The following VPS50 variants were observed in gnomAD, a reference collection of about 807,000 sequenced individuals.
VPS50 encodes VPS50 subunit of EARP/GARPII complex.
VPS50 carries 70 observed loss-of-function variants against 139.7 expected under a neutral mutation model. That is an observed-to-expected ratio of 0.50 (90% CI 0.41 to 0.61). The LOEUF (loss-of-function observed/expected upper bound fraction) is 0.61, where lower values mean the gene tolerates loss of function less well. Ranked by LOEUF, VPS50 falls within the 20% of genes least tolerant of loss-of-function variation. The pLI, the probability that VPS50 is intolerant of heterozygous loss-of-function variation, is 0.00. For missense variants in VPS50, 921 were observed against 1,133.7 expected (o/e 0.81, Z 2.69); for synonymous variants, 365 against 376.7 (o/e 0.97, Z 0.36).
chr7:93,232,379 A>G lies in VPS50; in HGVS notation c.-89A>G. 8.8e-7 allele frequency: 1 copy of G among 1,132,184 alleles called. No individual in the cohort carries two copies. Among genetic ancestry groups the G allele is most frequent in the Non-Finnish European group, 1.3e-6 (1 of 744,526 alleles). 70.1% of individuals were successfully genotyped at this position (1,132,184 alleles called of 1,614,324 possible). On this transcript the variant is annotated 5_prime_UTR_variant, in exon 1 of 28. An upstream start codon of the reference 5' UTR is lost. Coordinates refer to ENST00000305866, the MANE Select transcript of VPS50 (RefSeq NM_017667.4). ...CGGCTCCTCCACGTGACCACCCACT[A>G]TGGCTTCCTAGTGTCAGGGCCAGCT...
At chr7:93,304,988 A>G (rs905182985) in intron 17 of VPS50, among the ~76,000 whole-genome samples, 6 of 151,952 alleles carry the variant, frequency 3.9e-5, no homozygotes, top group Non-Finnish European at 8.8e-5. Context: ...GTACCTTTCA[A>G]GAATTTTAAG....
chr7:93,352,901 G>T lies in VPS50; in HGVS notation c.2464-739G>T, dbSNP rs73712847. The stretch of plus-strand genomic sequence containing the variant: ...TAGAGTATGATTTTTTAATCATTTG[G>T]TATACAGGTTGAGCATCCCAAATTC... On this transcript the variant is annotated intron_variant, in intron 25 of 27. Transcript: ENST00000305866. Among the ~76,000 whole-genome samples, 1,082 of 152,006 alleles carry T rather than the reference G, an allele frequency of 7.1e-3. 11 individuals are homozygous for T. The highest frequency in any genetic ancestry group is 0.025 in the African/African-American group (1,019 of 41,474).
intron 23 of VPS50, among the ~76,000 whole-genome samples, chr7:93,346,216 C>T (rs1798389013): frequency 6.6e-6 from 1 of 152,170 alleles, no homozygotes; most frequent in Non-Finnish European, 1.5e-5. Context: ...AGTGAACTCC[C>T]ATTCACAATT....
chr7:93,258,128 A>C (rs761818533), intron 6 of VPS50, 31 bp from the exon 7 acceptor site: 4 of 879,114 alleles, frequency 4.6e-6, no homozygotes, highest in South Asian at 4.3e-5. Flanking sequence ...ATAATAAAAA[A>C]CTTTTAACTA....
intron 12 of VPS50, among the ~76,000 whole-genome samples, chr7:93,276,990 G>A (rs1448606061): frequency 6.6e-6 from 1 of 152,170 alleles, no homozygotes; most frequent in Non-Finnish European, 1.5e-5. Context: ...GAAGAACCTA[G>A]AGTGATCAGG....
intron 22 of VPS50, among the ~76,000 whole-genome samples, chr7:93,335,846 G>A (rs1488863919): frequency 6.6e-6 from 1 of 152,104 alleles, no homozygotes; most frequent in Non-Finnish European, 1.5e-5. Context: ...CTACTATCTT[G>A]TGATCATCAA....
intron 19 of VPS50, among the ~76,000 whole-genome samples, chr7:93,310,697 C>T (rs1198267245): frequency 4.6e-5 from 7 of 152,020 alleles, no homozygotes; most frequent in African/African-American, 1.7e-4. Flanking sequence ...TCTCTTATCT[C>T]TGACCCTATT....
At chr7:93,310,206 G>T (rs1462509802) in intron 19 of VPS50, among the ~76,000 whole-genome samples, 2 of 151,850 alleles carry the variant, frequency 1.3e-5, no homozygotes, top group African/African-American at 4.8e-5. Flanking sequence ...TTTTTGGTAG[G>T]GTTACTGGAG....
chr7:93,302,888 G>C (rs1797018546), intron 16 of VPS50, among the ~76,000 whole-genome samples: 1 of 152,014 alleles, frequency 6.6e-6, no homozygotes, highest in South Asian at 2.1e-4. Flanking sequence ...AAAGAGATCA[G>C]TATGGTGTAA....
intron 14 of VPS50, among the ~76,000 whole-genome samples, chr7:93,295,720 TTTGA>T (rs1017904911): frequency 1.3e-5 from 2 of 151,992 alleles, no homozygotes; most frequent in South Asian, 2.1e-4. Context: ...CTTTCTTTCT[TTTGA>T]TTGATTGATT....
intron 20 of VPS50, among the ~76,000 whole-genome samples, chr7:93,317,804 CTTCTT>C (rs1328904653): frequency 6.6e-6 from 1 of 152,072 alleles, no homozygotes; most frequent in Non-Finnish European, 1.5e-5. Context: ...AAAATAGTAG[CTTCTT>C]TTGTTTTTTT....
intron 9 of VPS50, among the ~76,000 whole-genome samples, chr7:93,263,055 G>A (rs1031815778): frequency 7.3e-5 from 11 of 149,970 alleles, no homozygotes; most frequent in African/African-American, 2.2e-4. Flanking sequence ...TTTTCTGTGC[G>A]TTTTTCTTTC....
intron 9 of VPS50, among the ~76,000 whole-genome samples, chr7:93,260,263 G>T (rs1354950645): frequency 1.3e-5 from 2 of 152,118 alleles, no homozygotes; most frequent in Non-Finnish European, 2.9e-5. Context: ...GCTTGTGACA[G>T]TCTTGGGGAA....
At chr7:93,286,988 A>C in intron 12 of VPS50, among the ~76,000 whole-genome samples, 1 of 141,544 alleles carries the variant, frequency 7.1e-6, no homozygotes, top group African/African-American at 2.9e-5. Context: ...TTTGTTGAAA[A>C]CGTTGTTTTT....
intron 20 of VPS50, among the ~76,000 whole-genome samples, chr7:93,322,622 AT>A (rs1196727910): frequency 1.3e-4 from 19 of 151,198 alleles, no homozygotes; most frequent in East Asian, 3.9e-4. Flanking sequence ...AAAAAAAAAA[AT>A]AGTACCAATT....
At chr7:93,304,519 T>A (rs1797064022) in intron 17 of VPS50, among the ~76,000 whole-genome samples, 1 of 151,912 alleles carries the variant, frequency 6.6e-6, no homozygotes, top group Non-Finnish European at 1.5e-5. Flanking sequence ...TAACATTAAA[T>A]TAACATAGGA....
intron 9 of VPS50, among the ~76,000 whole-genome samples, chr7:93,267,863 T>C (rs187059268): frequency 1.3e-5 from 2 of 152,296 alleles, no homozygotes; most frequent in East Asian, 3.9e-4. Context: ...CATTAAGAAG[T>C]CTATGTGAAG....
chr7:93,269,681 A>G (rs964085880), intron 9 of VPS50, among the ~76,000 whole-genome samples: 1 of 152,108 alleles, frequency 6.6e-6, no homozygotes, highest in Non-Finnish European at 1.5e-5. Context: ...TAAGAAGCAA[A>G]TGCAAGGAAC....
At chr7:93,336,859 T>G (rs185764989) in intron 22 of VPS50, among the ~76,000 whole-genome samples, 230 of 152,238 alleles carry the variant, frequency 1.5e-3, no homozygotes, top group African/African-American at 5.2e-3. Flanking sequence ...TTTAAATTTG[T>G]CCAGAAAAAT....
Sources: allele counts gnomAD v4.1 joint callset (sites outside exome capture counted in the v4.1 genomes callset), GRCh38; gene constraint gnomAD v4.1.1; transcripts MANE v1.5; gene names NCBI Gene and HGNC (gene_info 2026-07-23, HGNC 2026-07-21).